RIC1: variants seen among roughly 807,000 people sequenced by gnomAD.
RIC1 encodes RIC1 partner of RAB6A GEF complex.
Under a neutral mutation model 169.0 loss-of-function variants are expected in RIC1, and 88 were observed. The ratio of observed to expected loss-of-function variants is 0.52; its 90% CI spans 0.44 to 0.62. The LOEUF (loss-of-function observed/expected upper bound fraction) is 0.62, where lower values mean the gene tolerates loss of function less well. RIC1 is among the 20% of genes least tolerant of loss of function. The pLI, the probability that RIC1 is intolerant of heterozygous loss-of-function variation, is 0.00. For missense variants in RIC1, 1,877 were observed against 1,725.5 expected (o/e 1.09, Z -1.56); for synonymous variants, 790 against 601.5 (o/e 1.31, Z -4.59).
intron 2 of RIC1, among the ~76,000 whole-genome samples, chr9:5,658,839 C>A (rs548618022): frequency 3.4e-5 from 5 of 149,124 alleles, no homozygotes; most frequent in Non-Finnish European, 7.4e-5. Flanking sequence ...TTTTTTTTAC[C>A]GAGACTGACT....
chr9:5,763,634 GGAA>G lies in RIC1; in HGVS notation c.2615_2617del (p.Glu872del). ...TGGAGCTCATGCTCCATGAAGTACT[GGAA>G]GAAGAAGCTACCTCACGGGAGCCCA... On this transcript the variant is annotated inframe_deletion, in exon 19 of 26. Transcript: ENST00000414202. This position sits in a 1 kb window ranked among gnomAD's most constrained non-coding sequence, Gnocchi z 5.2. The G allele has an allele frequency of 6.2e-7, 1 of 1,614,130 alleles. No homozygotes were observed. The highest frequency in any genetic ancestry group is 8.5e-7 in the Non-Finnish European group (1 of 1,180,022).
intron 1 of RIC1, among the ~76,000 whole-genome samples, chr9:5,632,524 T>C (rs1205137775): frequency 6.6e-6 from 1 of 152,172 alleles, no homozygotes; most frequent in Non-Finnish European, 1.5e-5. Context: ...AAAGAGCCTC[T>C]AGATAGTTAC....
intron 1 of RIC1, among the ~76,000 whole-genome samples, chr9:5,643,091 G>T (rs1818329642): frequency 6.6e-6 from 1 of 152,064 alleles, no homozygotes; most frequent in Non-Finnish European, 1.5e-5. Context: ...CTTGAGCCCA[G>T]GAGTTCAAGA....
At chr9:5,689,336 C>G (rs546085665) in intron 2 of RIC1, among the ~76,000 whole-genome samples, 219 of 152,158 alleles carry the variant, frequency 1.4e-3, no homozygotes, top group African/African-American at 5.0e-3. Context: ...CAGGTGTGAG[C>G]CACCGCGCCC....
intron 21 of RIC1, among the ~76,000 whole-genome samples, chr9:5,768,018 G>A (rs887558873): frequency 1.1e-4 from 17 of 152,316 alleles, no homozygotes; most frequent in African/African-American, 4.1e-4. Flanking sequence ...AGAGGCCTAG[G>A]AAAATAAACT....
intron 14 of RIC1, among the ~76,000 whole-genome samples, chr9:5,754,378 T>G (rs575885089): frequency 2.4e-4 from 36 of 152,318 alleles, no homozygotes; most frequent in African/African-American, 7.0e-4. Context: ...TATGGATCAT[T>G]ATTAATAAAG....
intron 3 of RIC1, among the ~76,000 whole-genome samples, chr9:5,690,518 G>A (rs1037029167): frequency 2.7e-5 from 4 of 150,730 alleles, no homozygotes; most frequent in African/African-American, 9.7e-5. Flanking sequence ...CTTATAGCAG[G>A]CCTTAACTTT....
intron 9 of RIC1, 46 bp downstream of exon 9, chr9:5,743,059 C>G (rs1300168439): frequency 6.4e-7 from 1 of 1,561,440 alleles, no homozygotes; most frequent in East Asian, 2.2e-5. Context: ...TCCATTATTT[C>G]TCACAATGCA....
At chr9:5,776,930 C>T (rs926338004), downstream of RIC1, among the ~76,000 whole-genome samples, 3 of 152,054 alleles carry the variant, frequency 2.0e-5, no homozygotes, top group African/African-American at 4.8e-5. Context: ...TCCCATTTTC[C>T]TAATTTCAGT....
rs573151170 is a variant in RIC1, at chr9:5,750,827, G to C, written c.1453-2373G>C. ...TGCCATTCCCTTTTATCAAGTATTA[G>C]AGGTAGAGCTCAGAGTTCAGATGAC... On this transcript the variant is annotated intron_variant, in intron 12 of 25. Coordinates refer to ENST00000414202, the MANE Select transcript of RIC1 (RefSeq NM_020829.4). Among the ~76,000 whole-genome samples, 19 of 151,722 alleles carry C rather than the reference G, an allele frequency of 1.3e-4. No homozygotes were observed. In the East Asian group the frequency reaches 3.7e-3, roughly 29 times the overall value.
chr9:5,772,454 G>A, intron 23 of RIC1, 110 bp from the exon 24 acceptor site: 1 of 849,738 alleles, frequency 1.2e-6, no homozygotes, highest in East Asian at 2.8e-5. Context: ...TCATGTTTTA[G>A]TTTCAAGATC....
At chr9:5,715,440 G>A (rs1166197658) in intron 4 of RIC1, among the ~76,000 whole-genome samples, 2 of 152,280 alleles carry the variant, frequency 1.3e-5, no homozygotes, top group African/African-American at 2.4e-5. Flanking sequence ...AAATCTGTAA[G>A]GTTTCTCTCA....
intron 3 of RIC1, among the ~76,000 whole-genome samples, chr9:5,706,869 A>G (rs1822622383): frequency 6.6e-6 from 1 of 152,140 alleles, no homozygotes; most frequent in South Asian, 2.1e-4. Context: ...TTTTCAAACA[A>G]CCAACTTGCT....
intron 3 of RIC1, among the ~76,000 whole-genome samples, chr9:5,695,509 A>G (rs910326222): frequency 6.6e-6 from 1 of 151,470 alleles, no homozygotes; most frequent in African/African-American, 2.4e-5. Flanking sequence ...CCCTCCTCGT[A>G]ATTCCCAATG....
intron 8 of RIC1, among the ~76,000 whole-genome samples, chr9:5,739,889 AACAGTAG>A (rs1265401372): frequency 6.6e-6 from 1 of 152,180 alleles, no homozygotes; most frequent in Non-Finnish European, 1.5e-5. Context: ...CCTTCACTTT[AACAGTAG>A]ACACCTGGTG....
In RIC1 at chr9:5,682,526, C is replaced by T. The variant is rs558822533; in HGVS notation, c.253-7433C>T. 2.2e-4 allele frequency among the ~76,000 whole-genome samples: 33 copies of T among 152,196 alleles called. No homozygotes were observed. In the South Asian group the frequency reaches 3.5e-3, roughly 16 times the overall value. ...GCTTGTCGAGTTTCTGCCAAGAGATCGGCTGTTAGTCTGATGGGCTTCTCT... is the reference window on the plus strand; with the variant it reads ...GCTTGTCGAGTTTCTGCCAAGAGATTGGCTGTTAGTCTGATGGGCTTCTCT... On this transcript the variant is annotated intron_variant, in intron 2 of 25. Coordinates refer to ENST00000414202, the MANE Select transcript of RIC1 (RefSeq NM_020829.4).
In RIC1 at chr9:5,761,988, C is replaced by A. The variant is rs566523881; in HGVS notation, c.1993-553C>A. ...TTAAATAACTGTCTTATTCAAGAACCATAAGTAGTGGCTTCTTTCCTGCTG... is the reference window on the plus strand; with the variant it reads ...TTAAATAACTGTCTTATTCAAGAACAATAAGTAGTGGCTTCTTTCCTGCTG... On this transcript the variant is annotated intron_variant, in intron 17 of 25. Transcript: ENST00000414202. 9.8e-5 allele frequency among the ~76,000 whole-genome samples: 15 copies of A among 152,304 alleles called. No individual in the cohort carries two copies. The East Asian group carries it at 2.9e-3, about 29-fold the overall frequency.
At chr9:5,683,296 G>T (rs949512404) in intron 2 of RIC1, among the ~76,000 whole-genome samples, 3 of 152,170 alleles carry the variant, frequency 2.0e-5, no homozygotes, top group Non-Finnish European at 2.9e-5. Context: ...TTTGGTCTTT[G>T]ATGATGGTGA....
In RIC1 at chr9:5,656,760, T is replaced by C. The variant is rs1011272691; in HGVS notation, c.252+70T>C. On this transcript the variant is annotated intron_variant, in intron 2 of 25. Transcript: ENST00000414202. ...TACATCGCATTTAAATTTGATTCTC[T>C]TAGATGACTTTCTTTCAGTCTTTTG... 16 of 876,194 alleles carry C rather than the reference T, an allele frequency of 1.8e-5. No homozygotes were observed. The African/African-American group carries it at 2.5e-4, about 14-fold the overall frequency. 54.3% of individuals were successfully genotyped at this position (876,194 alleles called of 1,614,324 possible). A position where few individuals can be genotyped will look rare whatever the true frequency, so the allele number is the denominator to read the frequency against.
Sources: gnomAD v4.1 joint callset for allele counts (sites outside exome capture counted in the v4.1 genomes callset) on GRCh38, gnomAD v4.1.1 for gene constraint, Gnocchi (gnomAD v3.1) non-coding constraint, MANE v1.5 for transcripts, NCBI Gene and HGNC (gene_info 2026-07-23, HGNC 2026-07-21) for gene names.